SENP7: variants seen among roughly 807,000 people sequenced by gnomAD.
The protein encoded by SENP7 is sentrin-specific protease 7.
A neutral mutation model predicts 141.2 loss-of-function variants in SENP7; 64 were observed. The ratio of observed to expected loss-of-function variants is 0.45; its 90% CI spans 0.37 to 0.56. The LOEUF (loss-of-function observed/expected upper bound fraction) is 0.56, where lower values mean the gene tolerates loss of function less well. Ranked by LOEUF, SENP7 falls within the 20% of genes least tolerant of loss-of-function variation. SENP7 has a pLI of 0.00. For missense variants in SENP7, 1,025 were observed against 1,212.2 expected, an observed-to-expected ratio of 0.85 and a Z score of 2.29; for synonymous variants, 382 against 426.4, an observed-to-expected ratio of 0.90 and a Z score of 1.28.
chr3:101,341,677 G>A lies in SENP7; in HGVS notation c.2209C>T (p.Arg737Ter), dbSNP rs1262515165. 3.1e-6 allele frequency: 5 copies of A among 1,608,442 alleles called. No individual in the cohort carries two copies. The highest frequency in any genetic ancestry group is 2.2e-5 in the East Asian group (1 of 44,838). Reference protein sequence around the residue: ...SITSNPDEEWREVRHTGLVQK... With the variant: ...SITSNPDEEW ...ACAAGTCCAGTGTGCCTGACTTCTC[G>A]CCATTCTTCATCTGGATTAGATGTA... is the stretch of plus-strand genomic sequence containing the variant. Residue 737 changes from arginine to a stop codon, truncating the protein, a stop_gained, in exon 15 of 24, where the codon CGA becomes TGA. Transcript: ENST00000394095. LOFTEE classifies it high-confidence loss of function.
chr3:101,478,718 AAAG>A (rs1320714705), intron 3 of SENP7, among the ~76,000 whole-genome samples: 1 of 152,148 alleles, frequency 6.6e-6, no homozygotes, highest in Non-Finnish European at 1.5e-5. Context: ...CCTTATACCA[AAAG>A]AAGACAAGGA....
chr3:101,416,648 T>C (rs545456612), intron 5 of SENP7, among the ~76,000 whole-genome samples: 1 of 152,322 alleles, frequency 6.6e-6, no homozygotes, highest in Admixed American at 6.5e-5. Context: ...TAGTAAGAAA[T>C]TTCTTCGTTA....
chr3:101,385,106 C>T (rs2060615683), intron 6 of SENP7, among the ~76,000 whole-genome samples: 1 of 151,950 alleles, frequency 6.6e-6, no homozygotes, highest in South Asian at 2.1e-4. Context: ...CAGATTCAAA[C>T]TGAAAGGATT....
chr3:101,327,735 T>A lies in SENP7; in HGVS notation c.2946A>T (p.Lys982Asn). ...CACTGCTATTGTCCTGTTTAGGAAC[T>A]TTAGGGCATAGATCCACCATGTTTG... ...SKTNMVDLCPKVPKQDNSSDC... is the reference protein window; with the variant it reads ...SKTNMVDLCPNVPKQDNSSDC... The change falls in exon 23 of 24, where the codon AAA becomes AAT. Residue 982 changes from lysine (K) to asparagine (N), a missense_variant. Physicochemically the swap from Lys to Asn is moderately conservative, Grantham distance 94. Transcript: ENST00000394095. 1 of 1,612,184 alleles carries A rather than the reference T, an allele frequency of 6.2e-7. No homozygotes were observed. Among genetic ancestry groups the A allele is most frequent in the Non-Finnish European group, 8.5e-7 (1 of 1,178,806 alleles).
intron 1 of SENP7, among the ~76,000 whole-genome samples, chr3:101,508,222 C>T (rs1461436634): frequency 1.3e-5 from 2 of 152,086 alleles, no homozygotes; most frequent in African/African-American, 4.8e-5. Context: ...CATTAATCAA[C>T]TCACTCAAAA....
At chr3:101,365,609 T>C (rs1472015255) in intron 9 of SENP7, among the ~76,000 whole-genome samples, 1 of 125,734 alleles carries the variant, frequency 8.0e-6, no homozygotes, top group Admixed American at 1.0e-4. Context: ...CACTCTAGCC[T>C]GGCCGACAGA....
intron 4 of SENP7, among the ~76,000 whole-genome samples, chr3:101,436,941 A>G (rs2062412069): frequency 6.6e-6 from 1 of 152,206 alleles, no homozygotes; most frequent in Admixed American, 6.5e-5. Context: ...CACCAGAAAA[A>G]GGAAATCAGT....
chr3:101,385,069 G>A (rs1016934127), intron 6 of SENP7, among the ~76,000 whole-genome samples: 9 of 152,024 alleles, frequency 5.9e-5, no homozygotes, highest in Non-Finnish European at 8.8e-5. Flanking sequence ...AAGTTTAATC[G>A]TAACACCTAA....
intron 3 of SENP7, 28 bp downstream of exon 3, chr3:101,493,845 C>A (rs764494046): frequency 2.3e-6 from 3 of 1,319,356 alleles, no homozygotes; most frequent in Non-Finnish European, 3.2e-6. Flanking sequence ...AAACTGTATA[C>A]TTAAAATAAA....
intron 3 of SENP7, among the ~76,000 whole-genome samples, chr3:101,469,013 G>A (rs560273653): frequency 1.4e-4 from 22 of 152,202 alleles, no homozygotes; most frequent in African/African-American, 4.8e-4. Context: ...TAAAGGGATG[G>A]AGGAAGATCT....
At chr3:101,359,992 CAT>C (rs1478247484) in intron 11 of SENP7, among the ~76,000 whole-genome samples, 1 of 151,996 alleles carries the variant, frequency 6.6e-6, no homozygotes, top group African/African-American at 2.4e-5. Context: ...TCATCACTCT[CAT>C]ATATTTAGGT....
chr3:101,341,843 A>C, intron 14 of SENP7, 64 bp from the exon 15 acceptor site: 1 of 1,465,372 alleles, frequency 6.8e-7, no homozygotes, highest in Non-Finnish European at 9.2e-7. Flanking sequence ...CAAAGTCAAA[A>C]CGTAGACGTG....
rs374605070 is a variant in SENP7 at position 101,325,932 on chromosome 3, G to A, written c.*11C>T. 1.9e-6 allele frequency: 3 copies of A among 1,603,354 alleles called. No individual in the cohort carries two copies. Among genetic ancestry groups the A allele is most frequent in the Non-Finnish European group, 2.6e-6 (3 of 1,174,996 alleles). The stretch of plus-strand genomic sequence containing the variant: ...CTTAGAGAACATCTGTGTCATGTTT[G>A]TACAGATTAACTAGCTACTGCTGCC... On this transcript the variant is annotated 3_prime_UTR_variant, in exon 24 of 24. Coordinates refer to ENST00000394095, the MANE Select transcript of SENP7 (RefSeq NM_020654.5).
At chr3:101,432,493 G>T (rs1458041454) in intron 4 of SENP7, among the ~76,000 whole-genome samples, 2 of 152,182 alleles carry the variant, frequency 1.3e-5, no homozygotes, top group Non-Finnish European at 2.9e-5. Flanking sequence ...AGAGACCCAG[G>T]CTGTGCTGGC....
At chr3:101,373,911 C>A (rs992698435) in intron 6 of SENP7, among the ~76,000 whole-genome samples, 1 of 152,140 alleles carries the variant, frequency 6.6e-6, no homozygotes, top group Non-Finnish European at 1.5e-5. Context: ...AATGAATGGA[C>A]TGGAAACACC....
rs527576828 is a variant in SENP7 at position 101,426,670 on chromosome 3, G to T, written c.285-8880C>A. 1.1e-4 allele frequency among the ~76,000 whole-genome samples: 17 copies of T among 151,784 alleles called. 1 individual carries two copies. In the South Asian group the frequency reaches 3.5e-3, roughly 32 times the overall value. On this transcript the variant is annotated intron_variant, in intron 4 of 23. Transcript: ENST00000394095. ...AATTTTTTTTATTTTCAGTAGGGAC[G>T]GGGGTTTCATCATGTTGGCCAGCCT...
intron 6 of SENP7, among the ~76,000 whole-genome samples, chr3:101,383,692 C>T (rs59044339): frequency 6.6e-5 from 10 of 152,318 alleles, no homozygotes; most frequent in East Asian, 3.9e-4. Context: ...CCACCTCAGC[C>T]CCCTCTGGAC....
chr3:101,483,546 G>C (rs534838676), intron 3 of SENP7, among the ~76,000 whole-genome samples: 1 of 152,256 alleles, frequency 6.6e-6, no homozygotes, highest in South Asian at 2.1e-4. Context: ...CGGTATAATA[G>C]TACCCTAAAC....
chr3:101,387,473 A>G (rs2060690670), intron 6 of SENP7, among the ~76,000 whole-genome samples: 1 of 152,038 alleles, frequency 6.6e-6, no homozygotes, highest in Non-Finnish European at 1.5e-5. Context: ...ACCACTGGGG[A>G]GCCTGACTAG....
Sources: allele counts gnomAD v4.1 joint callset (sites outside exome capture counted in the v4.1 genomes callset), GRCh38; gene constraint gnomAD v4.1.1; transcripts MANE v1.5; gene names NCBI Gene and HGNC (gene_info 2026-07-23, HGNC 2026-07-21).